The following PDE4D variants were observed in gnomAD, a reference collection of about 807,000 sequenced individuals.
PDE4D encodes the protein 3',5'-cyclic-AMP phosphodiesterase 4D.
In PDE4D, 24 loss-of-function variants were observed where a neutral mutation model predicts 87.4. The ratio of observed to expected loss-of-function variants is 0.27; its 90% CI spans 0.20 to 0.39. The LOEUF (loss-of-function observed/expected upper bound fraction) is 0.39. PDE4D is among the 10% of genes least tolerant of loss of function. PDE4D has a pLI of 1.00. For missense variants in PDE4D, 714 were observed against 1,041.0 expected (o/e 0.69, Z 4.32); for synonymous variants, 384 against 383.2 (o/e 1.00, Z -0.02).
intron 2 of PDE4D, among the ~76,000 whole-genome samples, chr5:60,136,444 A>T (rs190486277): frequency 1.0e-3 from 156 of 152,038 alleles, no homozygotes; most frequent in African/African-American, 3.4e-3. Context: ...CCTCCCAAGT[A>T]GCTGGGATTA....
intron 1 of PDE4D, among the ~76,000 whole-genome samples, chr5:60,365,733 TTCA>T (rs1760469595): frequency 1.3e-5 from 2 of 152,170 alleles, no homozygotes; most frequent in African/African-American, 2.4e-5. Flanking sequence ...ACTTACATAG[TTCA>T]GGCCATCTAA....
intron 1 of PDE4D, among the ~76,000 whole-genome samples, chr5:59,370,491 C>A (rs754937485): frequency 1.3e-5 from 2 of 152,188 alleles, no homozygotes; most frequent in Non-Finnish European, 2.9e-5. Context: ...ATAATTCACT[C>A]ATTTTGTTAA....
chr5:60,091,800 C>A (rs1775142253), intron 2 of PDE4D, among the ~76,000 whole-genome samples: 1 of 152,044 alleles, frequency 6.6e-6, no homozygotes, highest in African/African-American at 2.4e-5. Flanking sequence ...CGCCTGTAAT[C>A]CCAGCACTTT....
At position 59,746,645 on chromosome 5, in the gene PDE4D, G is replaced by A. The variant is rs147486872; in HGVS notation, c.455+146523C>T. 1.5e-4 allele frequency among the ~76,000 whole-genome samples: 23 copies of A among 151,520 alleles called. No homozygotes were observed. The East Asian group carries it at 2.0e-3, about 13-fold the overall frequency. On this transcript the variant is annotated intron_variant, in intron 1 of 14. Transcript: ENST00000340635. ...AGCCTTCCCCAATTCCTGCAAACTC[G>A]CCAGCGTGACTCCTAGCGTTCAGTC... is the stretch of plus-strand genomic sequence containing the variant.
intron 1 of PDE4D, among the ~76,000 whole-genome samples, chr5:59,384,298 C>G (rs1194488929): frequency 6.6e-6 from 1 of 152,168 alleles, no homozygotes; most frequent in African/African-American, 2.4e-5. Flanking sequence ...ACCCTCAGGA[C>G]ACATGTAGAT....
At chr5:59,114,957 G>C (rs1197141153) in intron 5 of PDE4D, among the ~76,000 whole-genome samples, 1 of 152,012 alleles carries the variant, frequency 6.6e-6, no homozygotes, top group East Asian at 1.9e-4. Context: ...AGAGATATGT[G>C]GTAATAACTG....
At chr5:60,177,712 C>G (rs920072492) in intron 2 of PDE4D, among the ~76,000 whole-genome samples, 1 of 152,142 alleles carries the variant, frequency 6.6e-6, no homozygotes, top group African/African-American at 2.4e-5. Context: ...CTTGAAAATA[C>G]ATTGTCATAG....
intron 2 of PDE4D, among the ~76,000 whole-genome samples, chr5:59,203,639 A>G (rs1748064640): frequency 6.6e-6 from 1 of 152,098 alleles, no homozygotes. Flanking sequence ...ACACACACAC[A>G]CACACTAGAA....
chr5:59,633,112 C>T (rs535069529), intron 1 of PDE4D, among the ~76,000 whole-genome samples: 5 of 151,986 alleles, frequency 3.3e-5, no homozygotes, highest in African/African-American at 1.2e-4. Context: ...AATAGCCAAA[C>T]TGATCAAGTG....
chr5:59,062,493 G>C (rs912570880), intron 5 of PDE4D, among the ~76,000 whole-genome samples: 1 of 152,104 alleles, frequency 6.6e-6, no homozygotes, highest in Non-Finnish European at 1.5e-5. Context: ...GCAATCAGAT[G>C]TTTGAGACTA....
chr5:59,972,530 T>C lies in PDE4D; in HGVS notation c.272+15958A>G, dbSNP rs561654893. Among the ~76,000 whole-genome samples the C allele has an allele frequency of 2.7e-4, 41 of 152,382 alleles. 1 individual carries two copies. The highest frequency in any genetic ancestry group is 8.9e-4 in the African/African-American group (37 of 41,598). ...GGTAAAAACTGAAACCAAAATACTTTTCTGTCCCAGTGCTAAACAATTTGG... is the reference window on the plus strand; with the variant it reads ...GGTAAAAACTGAAACCAAAATACTTCTCTGTCCCAGTGCTAAACAATTTGG... On this transcript the variant is annotated intron_variant, in intron 3 of 16. Transcript: ENST00000502484.
At chr5:59,084,715 C>T (rs1767368405) in intron 5 of PDE4D, among the ~76,000 whole-genome samples, 1 of 151,780 alleles carries the variant, frequency 6.6e-6, no homozygotes, top group Non-Finnish European at 1.5e-5. Flanking sequence ...AGTGAGACAC[C>T]TGTCTCCTAA....
rs566069495 is a variant in PDE4D at position 59,433,570 on chromosome 5, G to A, written c.456-217602C>T. Reference sequence around the variant, plus strand: ...TAGGAAAATAAGAACACATTGGAGAGTTTAATTTCATCTAAAGATTAGAGC... The same window carrying A: ...TAGGAAAATAAGAACACATTGGAGAATTTAATTTCATCTAAAGATTAGAGC... On this transcript the variant is annotated intron_variant, in intron 1 of 14. Coordinates refer to ENST00000340635, the MANE Select transcript of PDE4D (RefSeq NM_001104631.2). 9.2e-5 allele frequency among the ~76,000 whole-genome samples: 14 copies of A among 152,138 alleles called. No homozygotes were observed. The South Asian group carries it at 2.9e-3, about 32-fold the overall frequency.
chr5:59,839,712 T>C (rs1309878182), intron 1 of PDE4D, among the ~76,000 whole-genome samples: 4 of 152,024 alleles, frequency 2.6e-5, no homozygotes, highest in Non-Finnish European at 5.9e-5. Flanking sequence ...ACTCTCTCTC[T>C]TTGTGCAAGT....
chr5:59,754,002 T>C (rs550926345), intron 1 of PDE4D, among the ~76,000 whole-genome samples: 3 of 152,246 alleles, frequency 2.0e-5, no homozygotes, highest in East Asian at 3.9e-4. Flanking sequence ...GAAGTTTCTA[T>C]CAACAGTGTA....
At chr5:59,506,952 T>C (rs988572194) in intron 1 of PDE4D, among the ~76,000 whole-genome samples, 2 of 152,178 alleles carry the variant, frequency 1.3e-5, no homozygotes, top group Non-Finnish European at 2.9e-5. Flanking sequence ...GAAATATATA[T>C]GCATTATACA....
chr5:59,943,698 A>G (rs1757424186), intron 3 of PDE4D, among the ~76,000 whole-genome samples: 1 of 152,196 alleles, frequency 6.6e-6, no homozygotes, highest in Non-Finnish European at 1.5e-5. Context: ...AAAATGGACC[A>G]ACCCAATTGA....
At chr5:59,516,596 G>C (rs1278554445) in intron 1 of PDE4D, among the ~76,000 whole-genome samples, 1 of 151,878 alleles carries the variant, frequency 6.6e-6, no homozygotes, top group Non-Finnish European at 1.5e-5. Flanking sequence ...TCTTTTCTTC[G>C]GGAGAAGATA....
Position 59,752,923 on chromosome 5 carries a change from G to A in PDE4D, c.455+140245C>T, listed in dbSNP as rs114363424. ...GTGTGAACTTTATCCTACAGGGCAG[G>A]GATCGGCAAATTACGGCCAGTGGGC... On this transcript the variant is annotated intron_variant, in intron 1 of 14. Transcript: ENST00000340635. 3.6e-3 allele frequency among the ~76,000 whole-genome samples: 547 copies of A among 152,264 alleles called. 4 individuals carry two copies. The highest frequency in any genetic ancestry group is 0.013 in the African/African-American group (526 of 41,548).
Sources: allele counts gnomAD v4.1 joint callset (sites outside exome capture counted in the v4.1 genomes callset), GRCh38; gene constraint gnomAD v4.1.1; transcripts MANE v1.5; gene names NCBI Gene and HGNC (gene_info 2026-07-23, HGNC 2026-07-21).